Variants in ZNF585A observed in about 807,000 individuals in gnomAD.
ZNF585A encodes zinc finger protein 585A.
In ZNF585A, 9 loss-of-function variants were observed where a neutral mutation model predicts 14.9. The observed-to-expected ratio is 0.60, with a 90% CI of 0.36 to 1.05. The LOEUF (loss-of-function observed/expected upper bound fraction) is 1.05. Ranked by LOEUF, ZNF585A falls within the 50% of genes least tolerant of loss-of-function variation. ZNF585A has a pLI of 0.01. For synonymous variants in ZNF585A, 276 were observed against 319.9 expected (o/e 0.86, Z 1.46); for missense variants, 726 against 926.4 (o/e 0.78, Z 2.81).
At chr19:37,167,978 A>T (rs1568499854) in intron 2 of ZNF585A, among the ~76,000 whole-genome samples, 1 of 152,218 alleles carries the variant, frequency 6.6e-6, no homozygotes, top group Non-Finnish European at 1.5e-5. Context: ...AATCAGTATG[A>T]TGGCAAAGGT....
rs1971753973 is a variant in ZNF585A at position 37,147,162 on chromosome 19, A to C, written c.*4427T>G. ...TGAGAAACCAAAAAAAGGAATATTG[A>C]ATCAGGTCAGATAGTAATAGTATTT... On this transcript the variant is annotated 3_prime_UTR_variant, in exon 5 of 5. Coordinates refer to ENST00000292841, the MANE Select transcript of ZNF585A (RefSeq NM_001288800.2). 1 of 152,224 alleles carries C rather than the reference A, an allele frequency of 6.6e-6. No homozygotes were observed. The highest frequency in any genetic ancestry group is 6.5e-5 in the Admixed American group (1 of 15,282). The allele number at this position is 152,224 out of a possible 1,614,324, so 9.4% of individuals were successfully genotyped here.
At chr19:37,168,292 G>C (rs1162033979) in intron 2 of ZNF585A, among the ~76,000 whole-genome samples, 1 of 152,106 alleles carries the variant, frequency 6.6e-6, no homozygotes. Flanking sequence ...CTGAGAGTTA[G>C]CCTGGTACTA....
At position 37,151,079 on chromosome 19, in the gene ZNF585A, A is replaced by C. The variant is rs1971819808; in HGVS notation, c.*510T>G. On this transcript the variant is annotated 3_prime_UTR_variant, in exon 5 of 5. Coordinates refer to ENST00000292841, the MANE Select transcript of ZNF585A (RefSeq NM_001288800.2). Reference sequence around the variant, plus strand: ...GATAGAAATACTGAATGAGGGTTGGATATGACCAACTGTGGTAGATTCGAA... The same window carrying C: ...GATAGAAATACTGAATGAGGGTTGGCTATGACCAACTGTGGTAGATTCGAA... 3.0e-6 allele frequency: 1 copy of C among 329,920 alleles called. No homozygotes were observed. Among genetic ancestry groups the C allele is most frequent in the East Asian group, 4.6e-5 (1 of 21,632 alleles). 20.4% of individuals were successfully genotyped at this position (329,920 alleles called of 1,614,324 possible).
intron 4 of ZNF585A, among the ~76,000 whole-genome samples, chr19:37,154,020 T>C (rs1021470784): frequency 6.6e-6 from 1 of 152,176 alleles, no homozygotes; most frequent in Admixed American, 6.5e-5. Flanking sequence ...AGGTCTGGAA[T>C]CTAAACTCCG....
Position 37,152,912 on chromosome 19 carries a change from G to C in ZNF585A, c.987C>G (p.Thr329=). ...TATTGCTGAAGACCTTCCCATATTC[G>C]GTACATATATAGGGCTTCACTCTTG... ...VHTRVKPYIC[T]EYGKVFSNNS... is the part of the protein sequence containing the mutation. Residue 329 remains threonine, a synonymous_variant, in exon 5 of 5, where the codon ACC becomes ACG. Coordinates refer to ENST00000292841, the MANE Select transcript of ZNF585A (RefSeq NM_001288800.2). 6.2e-7 allele frequency: 1 copy of C among 1,614,078 alleles called. No homozygotes were observed. Among genetic ancestry groups the C allele is most frequent in the South Asian group, 1.1e-5 (1 of 91,080 alleles).
rs188326332 is a variant in ZNF585A, at chr19:37,145,741, T to C, written c.*5848A>G. On this transcript the variant is annotated 3_prime_UTR_variant, in exon 5 of 5. Transcript: ENST00000292841. ...AGGATGTAACCTAATTGTGCTGATTTCACAGAGGGTGGAAAACATCAGCCC... is the reference window on the plus strand; with the variant it reads ...AGGATGTAACCTAATTGTGCTGATTCCACAGAGGGTGGAAAACATCAGCCC... 9.9e-4 allele frequency: 151 copies of C among 152,306 alleles called. No homozygotes were observed. The highest frequency in any genetic ancestry group is 3.5e-3 in the African/African-American group (146 of 41,566). The allele number at this position is 152,306 out of a possible 1,614,324, so 9.4% of individuals were successfully genotyped here.
Position 37,147,697 on chromosome 19 carries a change from C to T in ZNF585A, c.*3892G>A, listed in dbSNP as rs1183708257. ...TATAACATACTGTAGACACAATTTT[C>T]TATAGTATGTAATGACAGGCACATA... On this transcript the variant is annotated 3_prime_UTR_variant, in exon 5 of 5. Transcript: ENST00000292841. 1 of 151,998 alleles carries T rather than the reference C, an allele frequency of 6.6e-6. No homozygotes were observed. The highest frequency in any genetic ancestry group is 2.4e-5 in the African/African-American group (1 of 41,378). 9.4% of individuals were successfully genotyped at this position (151,998 alleles called of 1,614,324 possible). A position where few individuals can be genotyped will look rare whatever the true frequency, so the allele number is the denominator to read the frequency against.
chr19:37,153,973 A>G (rs762637909), intron 4 of ZNF585A, among the ~76,000 whole-genome samples: 7 of 152,188 alleles, frequency 4.6e-5, no homozygotes, highest in Non-Finnish European at 8.8e-5. Flanking sequence ...TTTTCTTTCA[A>G]TTTGGAAAGA....
Position 37,159,222 on chromosome 19 carries a change from C to G in ZNF585A, c.73-2867G>C, listed in dbSNP as rs1380275347. Among the ~76,000 whole-genome samples the G allele has an allele frequency of 2.3e-5, 3 of 128,348 alleles. No homozygotes were observed. The Admixed American group carries it at 2.9e-4, about 13-fold the overall frequency. The allele number at this position is 128,348 out of a possible 152,430, so 84.2% of individuals were successfully genotyped here. On this transcript the variant is annotated intron_variant, in intron 2 of 4. Coordinates refer to ENST00000292841, the MANE Select transcript of ZNF585A (RefSeq NM_001288800.2). ...TGAGGTCGTGCCACTGCACTCCAGCCGAGGCAACAGAGTGAGACTCCATCT... is the reference window on the plus strand; with the variant it reads ...TGAGGTCGTGCCACTGCACTCCAGCGGAGGCAACAGAGTGAGACTCCATCT...
rs1194017023 is a variant in ZNF585A at position 37,147,416 on chromosome 19, A to G, written c.*4173T>C. ...GCCAGAATTGAGATGCCTGACAAAT[A>G]AAAATGTTGACTAACTCCAACTGCA... On this transcript the variant is annotated 3_prime_UTR_variant, in exon 5 of 5. Transcript: ENST00000292841. 2 of 152,234 alleles carry G rather than the reference A, an allele frequency of 1.3e-5. No individual in the cohort carries two copies. Among genetic ancestry groups the G allele is most frequent in the Non-Finnish European group, 2.9e-5 (2 of 68,034 alleles). 9.4% of individuals were successfully genotyped at this position (152,234 alleles called of 1,614,324 possible).
intron 2 of ZNF585A, among the ~76,000 whole-genome samples, chr19:37,159,152 G>A (rs1054656468): frequency 6.6e-6 from 1 of 150,786 alleles, no homozygotes; most frequent in East Asian, 2.0e-4. Context: ...AGGAGGCTGA[G>A]GCACGAGAAT....
At chr19:37,162,578 T>C (rs1215720442) in intron 2 of ZNF585A, among the ~76,000 whole-genome samples, 5 of 152,214 alleles carry the variant, frequency 3.3e-5, no homozygotes, top group African/African-American at 9.6e-5. Flanking sequence ...TCAATCTAAA[T>C]GCCCATCAGT....
chr19:37,156,310 C>T lies in ZNF585A; in HGVS notation c.118G>A (p.Glu40Lys). 6.2e-7 allele frequency: 1 copy of T among 1,614,170 alleles called. No individual in the cohort carries two copies. The highest frequency in any genetic ancestry group is 8.5e-7 in the Non-Finnish European group (1 of 1,180,038). ...TGAGAAGGGTCCAGGTGCCGCCATT[C>T]CTCTCTGCTGAAATCGATAGCCACA... ...RDVAIDFSREEWRHLDPSQRN... is the reference protein window; with the variant it reads ...RDVAIDFSREKWRHLDPSQRN... Residue 40 changes from glutamate to lysine, a missense_variant, in exon 3 of 5, where the codon GAA becomes AAA. Transcript: ENST00000292841.
chr19:37,161,976 T>C (rs969599377), intron 2 of ZNF585A, among the ~76,000 whole-genome samples: 2 of 152,188 alleles, frequency 1.3e-5, no homozygotes, highest in Non-Finnish European at 2.9e-5. Context: ...CAGGCTGCAG[T>C]GCAGTGGCGC....
Position 37,152,846 on chromosome 19 carries a change from C to A in ZNF585A, c.1053G>T (p.Glu351Asp). Residue 351 changes from glutamate to aspartate, a missense_variant, in exon 5 of 5, where the codon GAG (glutamate) becomes GAT (aspartate). By Grantham distance (45) the Glu-to-Asp change is conservative. This residue lies in a region of ZNF585A where 483 missense variants were observed against 542.8 expected (regional missense o/e 0.89). Coordinates refer to ENST00000292841, the MANE Select transcript of ZNF585A (RefSeq NM_001288800.2). ...LVTHKKVQSR[E>D]KSSICTECGK... ...CACACTCAGTACATATGGAAGATTT[C>A]TCTCTACTTTGAACTTTCTTATGTG... is the stretch of plus-strand genomic sequence containing the variant. The A allele has an allele frequency of 6.2e-7, 1 of 1,614,188 alleles. No individual in the cohort carries two copies. Among genetic ancestry groups the A allele is most frequent in the Non-Finnish European group, 8.5e-7 (1 of 1,180,048 alleles).
intron 2 of ZNF585A, among the ~76,000 whole-genome samples, chr19:37,164,795 C>T (rs1352361595): frequency 6.6e-6 from 1 of 152,076 alleles, no homozygotes; most frequent in Non-Finnish European, 1.5e-5. Context: ...TCTCAGCCTC[C>T]CAAGTAGCTG....
chr19:37,153,717 C>T, intron 4 of ZNF585A, 111 bp from the exon 5 acceptor site: 3 of 999,908 alleles, frequency 3.0e-6, no homozygotes, highest in Non-Finnish European at 4.3e-6. Flanking sequence ...CTAAATTATG[C>T]TTTAAACCAT....
chr19:37,172,491 T>G (rs930842275), intron 1 of ZNF585A, 136 bp downstream of exon 1: 1 of 151,890 alleles, frequency 6.6e-6, no homozygotes, highest in Non-Finnish European at 1.5e-5. Context: ...ACCTGAGAAA[T>G]CCGTCACAAT....
chr19:37,153,593 C>T lies in ZNF585A; in HGVS notation c.306G>A (p.Trp102Ter). Residue 102 changes from tryptophan to a stop codon, truncating the protein, a stop_gained, in exon 5 of 5, where the codon TGG (tryptophan) becomes TGA (stop). Transcript: ENST00000292841. LOFTEE classifies it low-confidence loss of function (END_TRUNC). The stretch of plus-strand genomic sequence containing the variant: ...GGATTTTTCTACATTGATTATGGTC[C>T]CATAATTTCTCTCCTGTTGGAATAC... ...PRQSCPGEKL[W>*]DHNQCRKILS... 6.2e-7 allele frequency: 1 copy of T among 1,609,684 alleles called. No individual in the cohort carries two copies. The highest frequency in any genetic ancestry group is 8.5e-7 in the Non-Finnish European group (1 of 1,178,354).
Sources: gnomAD v4.1 joint callset for allele counts (sites outside exome capture counted in the v4.1 genomes callset) on GRCh38, gnomAD v4.1.1 for gene constraint, gnomAD v4.1.1 regional missense constraint, MANE v1.5 for transcripts, NCBI Gene and HGNC (gene_info 2026-07-23, HGNC 2026-07-21) for gene names.